Variants in KIF26B observed in about 807,000 individuals in gnomAD.
KIF26B encodes kinesin-like protein KIF26B.
A neutral mutation model predicts 151.2 loss-of-function variants in KIF26B; 63 were observed. The observed-to-expected ratio is 0.42, with a 90% CI of 0.34 to 0.51. The LOEUF is 0.51. KIF26B is among the 20% of genes least tolerant of loss of function. The pLI is 0.07. For missense variants in KIF26B, 2,813 were observed against 2,913.6 expected (o/e 0.97, Z 0.79); for synonymous variants, 1,357 against 1,262.1 (o/e 1.08, Z -1.59).
intron 3 of KIF26B, among the ~76,000 whole-genome samples, chr1:245,376,029 A>G (rs553159150): frequency 6.6e-6 from 1 of 151,630 alleles, no homozygotes; most frequent in South Asian, 2.1e-4. Context: ...AGTCATTACA[A>G]TTATGTAAGT....
At chr1:245,176,149 G>A (rs1668805439) in intron 2 of KIF26B, among the ~76,000 whole-genome samples, 1 of 152,030 alleles carries the variant, frequency 6.6e-6, no homozygotes, top group African/African-American at 2.4e-5. Flanking sequence ...ACATGCATGA[G>A]TCACCACGCC....
intron 9 of KIF26B, among the ~76,000 whole-genome samples, chr1:245,630,384 A>G (rs1213952501): frequency 6.6e-6 from 1 of 152,220 alleles, no homozygotes; most frequent in African/African-American, 2.4e-5. Flanking sequence ...CATATGCACC[A>G]TGGAATACTA....
intron 2 of KIF26B, among the ~76,000 whole-genome samples, chr1:245,350,415 T>G (rs1461225789): frequency 1.3e-5 from 2 of 152,182 alleles, no homozygotes; most frequent in African/African-American, 2.4e-5. Flanking sequence ...TTCTGAAGTC[T>G]GCCTTACGTC....
chr1:245,253,811 T>G (rs1670484950), intron 2 of KIF26B, among the ~76,000 whole-genome samples: 1 of 136,508 alleles, frequency 7.3e-6, no homozygotes, highest in East Asian at 2.4e-4. Flanking sequence ...TTTTTTTTTT[T>G]TTTTTTTTTT....
intron 5 of KIF26B, among the ~76,000 whole-genome samples, chr1:245,551,641 C>G (rs920491053): frequency 2.0e-5 from 3 of 152,168 alleles, no homozygotes; most frequent in Non-Finnish European, 4.4e-5. Flanking sequence ...CGCCACGCGA[C>G]CCTGCAGTCA....
At chr1:245,282,499 C>G (rs1671075581) in intron 2 of KIF26B, among the ~76,000 whole-genome samples, 1 of 152,218 alleles carries the variant, frequency 6.6e-6, no homozygotes, top group African/African-American at 2.4e-5. Context: ...CCACCTGTTC[C>G]TAGCAACATG....
At chr1:245,487,149 T>C (rs1433175157) in intron 4 of KIF26B, among the ~76,000 whole-genome samples, 1 of 152,136 alleles carries the variant, frequency 6.6e-6, no homozygotes, top group Non-Finnish European at 1.5e-5. Flanking sequence ...GTAGCTTGTG[T>C]CGTGATACCT....
chr1:245,489,260 T>G (rs1004152668), intron 4 of KIF26B, among the ~76,000 whole-genome samples: 1 of 152,220 alleles, frequency 6.6e-6, no homozygotes, highest in Admixed American at 6.5e-5. Flanking sequence ...TTTTCAACCC[T>G]CAGGAGCGGA....
At chr1:245,274,386 C>A (rs999430555) in intron 2 of KIF26B, among the ~76,000 whole-genome samples, 1 of 152,210 alleles carries the variant, frequency 6.6e-6, no homozygotes, top group African/African-American at 2.4e-5. Flanking sequence ...CCCCCCACCC[C>A]ACAACAGGCC....
At chr1:245,591,404 A>G (rs1480408870) in intron 5 of KIF26B, among the ~76,000 whole-genome samples, 2 of 152,150 alleles carry the variant, frequency 1.3e-5, no homozygotes, top group African/African-American at 2.4e-5. Flanking sequence ...TGCTCTTTTA[A>G]TGATCACAGT....
At position 245,244,804 on chromosome 1, in the gene KIF26B, G is replaced by A. The variant is rs1670288602; in HGVS notation, c.465+88121G>A. On this transcript the variant is annotated intron_variant, in intron 2 of 14. Transcript: ENST00000407071. The surrounding 1 kb of genome is among the most constrained non-coding windows in gnomAD (Gnocchi z 4.2). ...CACACACACACACAGAACTGCTTTG[G>A]ACTTGGATACTTCCTAGTCCTCCTG... 7.7e-6 allele frequency among the ~76,000 whole-genome samples: 1 copy of A among 129,402 alleles called. No homozygotes were observed. Among genetic ancestry groups the A allele is most frequent in the Non-Finnish European group, 1.8e-5 (1 of 56,658 alleles). 84.9% of individuals were successfully genotyped at this position (129,402 alleles called of 152,430 possible).
chr1:245,423,055 G>A (rs558395933), intron 4 of KIF26B, among the ~76,000 whole-genome samples: 2 of 144,084 alleles, frequency 1.4e-5, no homozygotes, highest in East Asian at 2.0e-4. Context: ...CCGAGATGGC[G>A]CCACTGCACT....
intron 2 of KIF26B, among the ~76,000 whole-genome samples, chr1:245,298,901 C>T (rs1280043440): frequency 6.6e-6 from 1 of 152,178 alleles, no homozygotes; most frequent in Non-Finnish European, 1.5e-5. Context: ...AAACACTGGA[C>T]CAGGATCTGG....
chr1:245,290,961 G>C (rs1176602575), intron 2 of KIF26B, among the ~76,000 whole-genome samples: 2 of 152,250 alleles, frequency 1.3e-5, no homozygotes, highest in African/African-American at 4.8e-5. Flanking sequence ...TCTGTGGTCA[G>C]CTTCCAGGCC....
At chr1:245,194,789 G>C (rs1315934689) in intron 2 of KIF26B, among the ~76,000 whole-genome samples, 1 of 152,128 alleles carries the variant, frequency 6.6e-6, no homozygotes, top group African/African-American at 2.4e-5. Context: ...TAAGAATGCT[G>C]GTAATCAGGT....
intron 4 of KIF26B, among the ~76,000 whole-genome samples, chr1:245,466,955 A>G (rs1380569370): frequency 6.6e-6 from 1 of 152,014 alleles, no homozygotes; most frequent in African/African-American, 2.4e-5. Context: ...GAAAAACACA[A>G]AAACTTTCTG....
At chr1:245,459,069 T>TA (rs1659597559) in intron 4 of KIF26B, among the ~76,000 whole-genome samples, 1 of 152,194 alleles carries the variant, frequency 6.6e-6, no homozygotes, top group Non-Finnish European at 1.5e-5. Context: ...GCAGACTTAC[T>TA]TCCCCTTGCC....
intron 2 of KIF26B, among the ~76,000 whole-genome samples, chr1:245,356,015 G>C (rs116687900): frequency 0.018 from 2,803 of 152,254 alleles, 45 homozygotes; most frequent in Non-Finnish European, 0.029. Context: ...GCAGATTCCA[G>C]AGCCCGGCTC....
chr1:245,603,876 A>C (rs75123252), intron 6 of KIF26B, among the ~76,000 whole-genome samples: 1 of 152,284 alleles, frequency 6.6e-6, no homozygotes, highest in East Asian at 1.9e-4. Context: ...CATTTTTATT[A>C]ATCTACTATG....
Sources: gnomAD v4.1 joint callset for allele counts (sites outside exome capture counted in the v4.1 genomes callset) on GRCh38, gnomAD v4.1.1 for gene constraint, Gnocchi (gnomAD v3.1) non-coding constraint, MANE v1.5 for transcripts, NCBI Gene and HGNC (gene_info 2026-07-23, HGNC 2026-07-21) for gene names.